Variants in STK39 observed in about 807,000 individuals in gnomAD.
STK39 encodes the protein STE20/SPS1-related proline-alanine-rich protein kinase.
A neutral mutation model predicts 77.8 loss-of-function variants in STK39; 20 were observed. The observed-to-expected ratio is 0.26, with a 90% CI of 0.18 to 0.37. The LOEUF (loss-of-function observed/expected upper bound fraction) is 0.37. Among genes scored for constraint, STK39 ranks in the 10% least tolerant of loss-of-function variants. The pLI, the probability that STK39 is intolerant of heterozygous loss-of-function variation, is 1.00. For synonymous variants in STK39, 246 were observed against 234.1 expected (o/e 1.05, Z -0.47); for missense variants, 479 against 656.5 (o/e 0.73, Z 2.95).
chr2:167,964,419 G>A, intron 17 of STK39: 1 of 427,546 alleles, frequency 2.3e-6, no homozygotes, highest in South Asian at 3.2e-5. Flanking sequence ...TTCTTATATG[G>A]CCGCTCTTAG....
At chr2:168,193,359 G>T (rs561140044) in intron 1 of STK39, among the ~76,000 whole-genome samples, 4 of 152,292 alleles carry the variant, frequency 2.6e-5, no homozygotes, top group Non-Finnish European at 5.9e-5. Flanking sequence ...AGTCTGAAAT[G>T]ATGGCAGAAA....
chr2:167,971,836 G>A lies in STK39; in HGVS notation c.1499-7110C>T, dbSNP rs987389375. On this transcript the variant is annotated intron_variant, in intron 16 of 17. Coordinates refer to ENST00000355999, the MANE Select transcript of STK39 (RefSeq NM_013233.3). ...GGTTAGAGGCCCTCCCCTCAGTAAAGTCTCTCTCAGTTAAAAATGGATTAA... is the reference window on the plus strand; with the variant it reads ...GGTTAGAGGCCCTCCCCTCAGTAAAATCTCTCTCAGTTAAAAATGGATTAA... Among the ~76,000 whole-genome samples, 4 of 152,216 alleles carry A rather than the reference G, an allele frequency of 2.6e-5. No individual in the cohort carries two copies. In the South Asian group the frequency reaches 6.2e-4, roughly 24 times the overall value.
intron 14 of STK39, among the ~76,000 whole-genome samples, chr2:168,060,602 G>C (rs542209549): frequency 6.6e-6 from 1 of 152,260 alleles, no homozygotes; most frequent in South Asian, 2.1e-4. Flanking sequence ...CCAACAATTA[G>C]ATATCAACAA....
chr2:168,004,054 A>G (rs1249272184), intron 16 of STK39, among the ~76,000 whole-genome samples: 2 of 152,194 alleles, frequency 1.3e-5, no homozygotes, highest in Non-Finnish European at 2.9e-5. Flanking sequence ...CGCACATCTA[A>G]CCATATGCTC....
intron 10 of STK39, among the ~76,000 whole-genome samples, chr2:168,087,031 C>A (rs1411611493): frequency 1.3e-5 from 2 of 152,186 alleles, no homozygotes; most frequent in Non-Finnish European, 2.9e-5. Flanking sequence ...GGGTGCCAAG[C>A]TGATCTGTAA....
intron 1 of STK39, among the ~76,000 whole-genome samples, chr2:168,230,349 T>G (rs1185035712): frequency 1.3e-5 from 2 of 152,136 alleles, no homozygotes; most frequent in Non-Finnish European, 2.9e-5. Context: ...CCACTCCCAC[T>G]ATCTTAGAAC....
chr2:168,097,160 C>A (rs1686692232), intron 10 of STK39, among the ~76,000 whole-genome samples: 1 of 152,202 alleles, frequency 6.6e-6, no homozygotes, highest in African/African-American at 2.4e-5. Context: ...TTTGAAAATG[C>A]CAGAGTTCTA....
At chr2:168,084,302 T>G (rs1243436647) in intron 10 of STK39, among the ~76,000 whole-genome samples, 1 of 152,218 alleles carries the variant, frequency 6.6e-6, no homozygotes, top group African/African-American at 2.4e-5. Context: ...CAGTCACTAC[T>G]GACATGTAAC....
intron 5 of STK39, among the ~76,000 whole-genome samples, chr2:168,160,074 C>T (rs758982953): frequency 3.3e-5 from 5 of 152,144 alleles, no homozygotes; most frequent in Non-Finnish European, 5.9e-5. Flanking sequence ...CAATGTGTTC[C>T]AGAAGGCTCA....
intron 1 of STK39, among the ~76,000 whole-genome samples, chr2:168,218,225 C>T (rs1275896312): frequency 6.6e-6 from 1 of 152,182 alleles, no homozygotes; most frequent in Non-Finnish European, 1.5e-5. Context: ...TCTGAAACAT[C>T]GGCACTGCAG....
chr2:168,237,853 C>T (rs1429342640), intron 1 of STK39, among the ~76,000 whole-genome samples: 1 of 152,148 alleles, frequency 6.6e-6, no homozygotes, highest in Admixed American at 6.5e-5. Flanking sequence ...TAAAAACCAG[C>T]CATGACCTGC....
At chr2:168,056,903 A>G (rs1465992706) in intron 14 of STK39, among the ~76,000 whole-genome samples, 1 of 152,242 alleles carries the variant, frequency 6.6e-6, no homozygotes, top group Non-Finnish European at 1.5e-5. Context: ...CAAATGATCC[A>G]AAGTAGACTT....
intron 10 of STK39, among the ~76,000 whole-genome samples, chr2:168,098,953 C>T (rs1686747079): frequency 6.6e-6 from 1 of 152,222 alleles, no homozygotes; most frequent in Non-Finnish European, 1.5e-5. Context: ...TGCCTGGTCT[C>T]CTTAGGAAGC....
At chr2:168,013,818 GTGTGTGTGTGTGTGTGTA>G (rs752129443) in intron 15 of STK39, among the ~76,000 whole-genome samples, 18,103 of 149,796 alleles carry the variant, frequency 0.12, 1,373 homozygotes, top group Middle Eastern at 0.18. Flanking sequence ...GTGTGTGTGT[GTGTGTGTGTGTGTGTGTA>G]TGTGTTTGCA....
intron 10 of STK39, among the ~76,000 whole-genome samples, chr2:168,081,933 C>T (rs1009200459): frequency 6.6e-6 from 1 of 152,150 alleles, no homozygotes; most frequent in Admixed American, 6.5e-5. Flanking sequence ...TGAGGCCTCC[C>T]TAGCCACATG....
intron 12 of STK39, among the ~76,000 whole-genome samples, chr2:168,067,713 T>C (rs1685831829): frequency 6.6e-6 from 1 of 152,226 alleles, no homozygotes; most frequent in African/African-American, 2.4e-5. Context: ...CTTTTGGGTA[T>C]ACTCTTCTAA....
intron 12 of STK39, among the ~76,000 whole-genome samples, chr2:168,074,478 T>C (rs919284177): frequency 4.6e-5 from 7 of 152,338 alleles, no homozygotes; most frequent in African/African-American, 1.4e-4. Flanking sequence ...TTAAAATTTT[T>C]TGAGTGCTCC....
chr2:168,036,967 C>T (rs1684972066), intron 14 of STK39, among the ~76,000 whole-genome samples: 1 of 152,180 alleles, frequency 6.6e-6, no homozygotes, highest in Non-Finnish European at 1.5e-5. Context: ...TCAGAATAAC[C>T]TAATTTCTTT....
At chr2:167,992,675 T>C (rs910453435) in intron 16 of STK39, among the ~76,000 whole-genome samples, 1 of 152,140 alleles carries the variant, frequency 6.6e-6, no homozygotes, top group African/African-American at 2.4e-5. Flanking sequence ...TTTTCACAAT[T>C]TGAGATTTAT....
Sources: gnomAD v4.1 joint callset for allele counts (sites outside exome capture counted in the v4.1 genomes callset) on GRCh38, gnomAD v4.1.1 for gene constraint, MANE v1.5 for transcripts, NCBI Gene and HGNC (gene_info 2026-07-23, HGNC 2026-07-21) for gene names.